Variants in MGST2 observed in about 807,000 individuals in gnomAD.
MGST2 encodes glutathione peroxidase MGST2.
MGST2 carries 9 observed loss-of-function variants against 16.6 expected under a neutral mutation model. The ratio of observed to expected loss-of-function variants is 0.54; its 90% CI spans 0.33 to 0.95. The LOEUF (loss-of-function observed/expected upper bound fraction) is 0.95, where lower values mean the gene tolerates loss of function less well. Among genes scored for constraint, MGST2 ranks in the 40% least tolerant of loss-of-function variants. MGST2 has a pLI of 0.03. For missense variants in MGST2, 159 were observed against 175.1 expected (o/e 0.91, Z 0.52); for synonymous variants, 79 against 68.0 (o/e 1.16, Z -0.79).
At chr4:139,676,368 A>G (rs1560737481) in intron 1 of MGST2, among the ~76,000 whole-genome samples, 1 of 152,134 alleles carries the variant, frequency 6.6e-6, no homozygotes, top group Non-Finnish European at 1.5e-5. Flanking sequence ...ACACACACTC[A>G]CACATAGACA....
rs1003212336 is a variant in MGST2, at chr4:139,735,118, C to T, written c.*49-5094C>T. Among the ~76,000 whole-genome samples the T allele has an allele frequency of 1.3e-5, 2 of 152,198 alleles. No individual in the cohort carries two copies. Among genetic ancestry groups the T allele is most frequent in the African/African-American group, 4.8e-5 (2 of 41,446 alleles). On this transcript the variant is annotated intron_variant, in intron 5 of 5. Coordinates refer to the MGST2 transcript ENST00000616265. The surrounding 1 kb of genome is among the most constrained non-coding windows in gnomAD (Gnocchi z 5.8). Reference sequence around the variant, plus strand: ...CTGGGCGAGCGCTGCGAACGTGGAGCCAGGCAGTCAAGTGTTACTGCGTAC... The same window carrying T: ...CTGGGCGAGCGCTGCGAACGTGGAGTCAGGCAGTCAAGTGTTACTGCGTAC...
chr4:139,675,692 G>A (rs894859970), intron 1 of MGST2, among the ~76,000 whole-genome samples: 4 of 152,182 alleles, frequency 2.6e-5, no homozygotes, highest in Admixed American at 1.3e-4. Flanking sequence ...AGAGTGCAGC[G>A]GGCTGCCTCA....
At chr4:139,703,362 GTT>G in intron 3 of MGST2, 91 bp from the exon 4 acceptor site, 1 of 1,043,298 alleles carries the variant, frequency 9.6e-7, no homozygotes, top group Non-Finnish European at 1.5e-6. Flanking sequence ...TCCAATATAT[GTT>G]TTGTGAATAT....
intron 3 of MGST2, among the ~76,000 whole-genome samples, chr4:139,697,412 T>TA (rs1180356202): frequency 6.6e-6 from 1 of 152,212 alleles, no homozygotes; most frequent in African/African-American, 2.4e-5. Flanking sequence ...GGAACTCATG[T>TA]ATTGCTTCTT....
downstream of MGST2, among the ~76,000 whole-genome samples, chr4:139,741,770 A>T (rs769663108): frequency 9.9e-5 from 15 of 152,178 alleles, no homozygotes; most frequent in Non-Finnish European, 1.5e-4. Context: ...CCCTGTTATT[A>T]GATCGGGCTG....
At chr4:139,699,012 A>C (rs1483250754) in intron 3 of MGST2, among the ~76,000 whole-genome samples, 1 of 152,218 alleles carries the variant, frequency 6.6e-6, no homozygotes, top group Non-Finnish European at 1.5e-5. Flanking sequence ...CTGTATGGGT[A>C]TCATGGCATT....
intron 5 of MGST2, chr4:139,719,125 T>C (rs3822043): frequency 0.094 from 55,616 of 594,492 alleles, 3,223 homozygotes; most frequent in East Asian, 0.21. Context: ...TCATCTCGAT[T>C]GCTGTGTGAA....
At chr4:139,710,001 A>C (rs1319930279) in intron 5 of MGST2, among the ~76,000 whole-genome samples, 1 of 152,232 alleles carries the variant, frequency 6.6e-6, no homozygotes, top group East Asian at 1.9e-4. Flanking sequence ...CAAAAAGAGG[A>C]AACAAATCAA....
chr4:139,730,766 C>A, intron 5 of MGST2: 1 of 1,132,958 alleles, frequency 8.8e-7, no homozygotes. Flanking sequence ...GCAGAAGTCC[C>A]AGCTTATGGA....
chr4:139,708,719 T>C (rs1302751842), downstream of MGST2, among the ~76,000 whole-genome samples: 6 of 152,176 alleles, frequency 3.9e-5, no homozygotes, highest in East Asian at 1.2e-3. Context: ...AAAACAACTA[T>C]GGGCCAGGCG....
intron 3 of MGST2, among the ~76,000 whole-genome samples, chr4:139,697,681 C>T (rs1473827393): frequency 1.3e-5 from 2 of 152,058 alleles, no homozygotes; most frequent in African/African-American, 2.4e-5. Context: ...AGACAGACAA[C>T]ATTAAAAACA....
chr4:139,722,549 A>G (rs955068979), intron 5 of MGST2, among the ~76,000 whole-genome samples: 7 of 152,230 alleles, frequency 4.6e-5, no homozygotes, highest in Admixed American at 4.6e-4. Flanking sequence ...CACAATGTCC[A>G]AGAAAATCTT....
At chr4:139,738,385 A>T (rs1729028249) in intron 5 of MGST2, among the ~76,000 whole-genome samples, 1 of 152,146 alleles carries the variant, frequency 6.6e-6, no homozygotes, top group African/African-American at 2.4e-5. Context: ...CTCTACTAAA[A>T]TACAAAAATT....
chr4:139,744,638 A>C (rs1038792176), downstream of MGST2, among the ~76,000 whole-genome samples: 10 of 152,240 alleles, frequency 6.6e-5, no homozygotes, highest in Admixed American at 5.2e-4. Context: ...GAGTCTGCAC[A>C]GGCCCAGTAC....
At chr4:139,693,156 G>A (rs1350083555) in intron 2 of MGST2, among the ~76,000 whole-genome samples, 3 of 152,138 alleles carry the variant, frequency 2.0e-5, no homozygotes, top group Non-Finnish European at 2.9e-5. Context: ...GGTGGCTCAC[G>A]CCTGTAATCC....
intron 2 of MGST2, among the ~76,000 whole-genome samples, chr4:139,691,691 G>GATTATTATTATTATT (rs1202163581): frequency 7.7e-6 from 1 of 129,956 alleles, no homozygotes; most frequent in African/African-American, 3.5e-5. Flanking sequence ...TGATGATGAT[G>GATTATTATTATTATT]ATGATGATTA....
At chr4:139,707,311 T>C (rs1322077116), downstream of MGST2, among the ~76,000 whole-genome samples, 1 of 152,338 alleles carries the variant, frequency 6.6e-6, no homozygotes. Context: ...GTTTGGTTTT[T>C]TGTCCTTGTG....
chr4:139,691,874 A>AT (rs1726622866), intron 2 of MGST2, among the ~76,000 whole-genome samples: 1 of 151,800 alleles, frequency 6.6e-6, no homozygotes, highest in African/African-American at 2.4e-5. Context: ...AATTTTTTAT[A>AT]TTTTTTAAGT....
In MGST2 at chr4:139,678,937, C is replaced by T. The variant is rs1731101439; in HGVS notation, c.158+295C>T. ...GAGGGTCACTGGGTCAAAGAGGCCC[C>T]CTGGAGCCTTGTGAGACCACAATAG... On this transcript the variant is annotated intron_variant, in intron 2 of 4. Coordinates refer to ENST00000265498, the MANE Select transcript of MGST2 (RefSeq NM_002413.5). The T allele has an allele frequency of 6.1e-6, 3 of 492,110 alleles. No individual in the cohort carries two copies. In the East Asian group the frequency reaches 1.1e-4, roughly 18 times the overall value. 30.5% of individuals were successfully genotyped at this position (492,110 alleles called of 1,614,324 possible).
Sources: gnomAD v4.1 joint callset for allele counts (sites outside exome capture counted in the v4.1 genomes callset) on GRCh38, gnomAD v4.1.1 for gene constraint, Gnocchi (gnomAD v3.1) non-coding constraint, MANE v1.5 for transcripts, NCBI Gene and HGNC (gene_info 2026-07-23, HGNC 2026-07-21) for gene names.